The following CHST11 variants were observed in gnomAD, a reference collection of about 807,000 sequenced individuals.
CHST11 encodes carbohydrate sulfotransferase 11.
A neutral mutation model predicts 30.4 loss-of-function variants in CHST11; 9 were observed. The ratio of observed to expected loss-of-function variants is 0.30; its 90% CI spans 0.18 to 0.52. The LOEUF (loss-of-function observed/expected upper bound fraction) is 0.52. Among genes scored for constraint, CHST11 ranks in the 20% least tolerant of loss-of-function variants. The pLI, the probability that CHST11 is intolerant of heterozygous loss-of-function variation, is 0.97. For synonymous variants in CHST11, 152 were observed against 187.8 expected (o/e 0.81, Z 1.56); for missense variants, 348 against 460.6 (o/e 0.76, Z 2.24).
intron 1 of CHST11, among the ~76,000 whole-genome samples, chr12:104,488,875 C>T (rs969588400): frequency 5.3e-5 from 8 of 151,996 alleles, no homozygotes; most frequent in African/African-American, 9.7e-5. Context: ...TTCTGGAGGC[C>T]GGAAGTCCAG....
At chr12:104,728,309 A>G (rs1442802378) in intron 2 of CHST11, among the ~76,000 whole-genome samples, 2 of 152,170 alleles carry the variant, frequency 1.3e-5, no homozygotes, top group Non-Finnish European at 2.9e-5. Flanking sequence ...AGCCCGGAGG[A>G]GCATGATGGA....
intron 2 of CHST11, among the ~76,000 whole-genome samples, chr12:104,755,352 T>C (rs1007108202): frequency 6.6e-6 from 1 of 152,000 alleles, no homozygotes; most frequent in Non-Finnish European, 1.5e-5. Flanking sequence ...GTGAAGTGAG[T>C]GGCCACAGGA....
At chr12:104,595,582 G>A (rs993571847) in intron 1 of CHST11, among the ~76,000 whole-genome samples, 1 of 152,210 alleles carries the variant, frequency 6.6e-6, no homozygotes, top group Non-Finnish European at 1.5e-5. Context: ...CCTGACGAAG[G>A]AGAAAACGAG....
intron 2 of CHST11, among the ~76,000 whole-genome samples, chr12:104,696,506 A>AAAC (rs938608017): frequency 6.9e-6 from 1 of 145,864 alleles, no homozygotes; most frequent in Non-Finnish European, 1.5e-5. Context: ...AAAAAAAAAA[A>AAAC]ACATAGCTGG....
intron 2 of CHST11, among the ~76,000 whole-genome samples, chr12:104,709,805 G>A (rs1008083110): frequency 3.3e-5 from 5 of 152,286 alleles, no homozygotes; most frequent in Middle Eastern, 6.8e-3. Context: ...TGGGTACAAG[G>A]TTTCTTTTTG....
chr12:104,534,147 T>C (rs769392031), intron 1 of CHST11, among the ~76,000 whole-genome samples: 27 of 152,344 alleles, frequency 1.8e-4, no homozygotes, highest in Non-Finnish European at 3.7e-4. Context: ...GTAATAGTGA[T>C]ATAAAGTTTT....
chr12:104,676,294 G>C lies in CHST11; in HGVS notation c.204+74303G>C, dbSNP rs951214983. Reference sequence around the variant, plus strand: ...TCCGCAGAAATGAGTTCCTTCCAGAGGTTCCAGTGGAGAATCTGTCCCTTG... The same window carrying C: ...TCCGCAGAAATGAGTTCCTTCCAGACGTTCCAGTGGAGAATCTGTCCCTTG... On this transcript the variant is annotated intron_variant, in intron 2 of 2. Transcript: ENST00000303694. The surrounding 1 kb of genome is among the most constrained non-coding windows in gnomAD (Gnocchi z 4.4). Among the ~76,000 whole-genome samples the C allele has an allele frequency of 6.6e-6, 1 of 152,222 alleles. No homozygotes were observed. The highest frequency in any genetic ancestry group is 1.5e-5 in the Non-Finnish European group (1 of 68,042).
chr12:104,744,844 C>CATTTATTT lies in CHST11; in HGVS notation c.205-12068_205-12061dup, dbSNP rs142255091. ...TAGGGACAGCCAGTTATCCCAGCAT[C>CATTTATTT]ATTTATTTATTTATTTATTTATTTA... On this transcript the variant is annotated intron_variant, in intron 2 of 2. Transcript: ENST00000303694. 3.2e-3 allele frequency among the ~76,000 whole-genome samples: 480 copies of CATTTATTT among 148,202 alleles called. 1 individual carries two copies. Among genetic ancestry groups the CATTTATTT allele is most frequent in the African/African-American group, 4.4e-3 (177 of 40,100 alleles).
At chr12:104,558,859 T>G (rs2038485829) in intron 1 of CHST11, among the ~76,000 whole-genome samples, 1 of 152,002 alleles carries the variant, frequency 6.6e-6, no homozygotes, top group Admixed American at 6.5e-5. Flanking sequence ...TAATTCTAAG[T>G]CCTCGGGCAC....
chr12:104,757,422 G>A lies in CHST11; in HGVS notation c.678G>A (p.Gln226=). Residue 226 remains glutamine (Q), a synonymous_variant, in exon 3 of 3, where the codon CAG becomes CAA. Coordinates refer to ENST00000303694, the MANE Select transcript of CHST11 (RefSeq NM_018413.6). This position sits in a 1 kb window ranked among gnomAD's most constrained non-coding sequence, Gnocchi z 6.5. ...AACGCCAGCGGAAGAACGCCACCCA[G>A]GAGGCCCTGCGCAAAGGGGACGATG... is the stretch of plus-strand genomic sequence containing the variant. The part of the protein sequence containing the change: ...IIKRQRKNAT[Q]EALRKGDDVK... 6.2e-7 allele frequency: 1 copy of A among 1,614,064 alleles called. No individual in the cohort carries two copies. The highest frequency in any genetic ancestry group is 8.5e-7 in the Non-Finnish European group (1 of 1,180,016).
At chr12:104,754,778 A>G (rs1345754487) in intron 2 of CHST11, among the ~76,000 whole-genome samples, 1 of 151,850 alleles carries the variant, frequency 6.6e-6, no homozygotes, top group African/African-American at 2.4e-5. Context: ...GAATCACCAT[A>G]CTCTTCACAC....
intron 1 of CHST11, among the ~76,000 whole-genome samples, chr12:104,547,995 T>C (rs1198720233): frequency 6.6e-6 from 1 of 152,198 alleles, no homozygotes; most frequent in Non-Finnish European, 1.5e-5. Flanking sequence ...GGATCCTTGA[T>C]GACTGTGGGG....
chr12:104,653,081 A>G (rs2039509235), intron 2 of CHST11, among the ~76,000 whole-genome samples: 1 of 152,148 alleles, frequency 6.6e-6, no homozygotes, highest in Non-Finnish European at 1.5e-5. Context: ...ACTGTTGTGC[A>G]ACAGCTCGCC....
chr12:104,554,433 G>T (rs2038435315), intron 1 of CHST11, among the ~76,000 whole-genome samples: 2 of 152,192 alleles, frequency 1.3e-5, no homozygotes, highest in South Asian at 4.1e-4. Flanking sequence ...TGAAATGAGG[G>T]TAAGACAGGG....
intron 1 of CHST11, among the ~76,000 whole-genome samples, chr12:104,510,837 TCAA>T (rs908760161): frequency 7.2e-5 from 11 of 151,794 alleles, no homozygotes; most frequent in Admixed American, 3.3e-4. Flanking sequence ...AAGAGAGGAG[TCAA>T]CAACCCATTG....
intron 2 of CHST11, among the ~76,000 whole-genome samples, chr12:104,655,259 C>A (rs1342848396): frequency 6.6e-6 from 1 of 152,250 alleles, no homozygotes; most frequent in Non-Finnish European, 1.5e-5. Context: ...CAGTACAAAT[C>A]CCCCTGACCT....
chr12:104,519,647 A>C (rs1414178282), intron 1 of CHST11, among the ~76,000 whole-genome samples: 2 of 152,190 alleles, frequency 1.3e-5, no homozygotes, highest in Non-Finnish European at 2.9e-5. Context: ...AAGTGACCCC[A>C]GGGAGCCGGT....
intron 2 of CHST11, among the ~76,000 whole-genome samples, chr12:104,733,115 G>A (rs2040270311): frequency 1.3e-5 from 2 of 152,360 alleles, no homozygotes; most frequent in South Asian, 4.1e-4. Context: ...CATGCACCTT[G>A]TCTCCAGGGT....
chr12:104,513,152 GGAGGGA>G (rs2037986520), intron 1 of CHST11, among the ~76,000 whole-genome samples: 1 of 137,208 alleles, frequency 7.3e-6, no homozygotes, highest in South Asian at 2.6e-4. Flanking sequence ...GGGTGGGGAG[GGAGGGA>G]GAGGTGGGCC....
Sources: allele counts gnomAD v4.1 joint callset (sites outside exome capture counted in the v4.1 genomes callset), GRCh38; gene constraint gnomAD v4.1.1; non-coding constraint Gnocchi (gnomAD v3.1); transcripts MANE v1.5; gene names NCBI Gene and HGNC (gene_info 2026-07-23, HGNC 2026-07-21).